TANC2: variants seen among roughly 807,000 people sequenced by gnomAD.
TANC2 encodes protein TANC2.
In TANC2, 26 loss-of-function variants were observed where a neutral mutation model predicts 210.5. That is an observed-to-expected ratio of 0.12 (90% CI 0.09 to 0.17). The LOEUF is 0.17. Ranked by LOEUF, TANC2 falls within the 10% of genes least tolerant of loss-of-function variation. The pLI is 1.00. For missense variants in TANC2, 2,129 were observed against 2,608.9 expected (o/e 0.82, Z 4.01); for synonymous variants, 931 against 967.1 (o/e 0.96, Z 0.69).
intron 11 of TANC2, among the ~76,000 whole-genome samples, chr17:63,333,069 A>G (rs1295618668): frequency 6.6e-6 from 1 of 152,248 alleles, no homozygotes; most frequent in Non-Finnish European, 1.5e-5. Context: ...TATTGTTGTC[A>G]TGTCTGCTAA....
chr17:63,265,806 G>T (rs201875443), intron 8 of TANC2, among the ~76,000 whole-genome samples: 35 of 108,374 alleles, frequency 3.2e-4, no homozygotes, highest in South Asian at 7.5e-4. Flanking sequence ...TACACTTTCT[G>T]TTTTTTTTTT....
At chr17:63,149,774 T>A (rs1257248661) in intron 4 of TANC2, 1 of 152,136 alleles carries the variant, frequency 6.6e-6, no homozygotes, top group Non-Finnish European at 1.5e-5. Flanking sequence ...GTAATAATGA[T>A]TTTTAAAAAC....
chr17:63,321,955 T>C (rs1457297516), intron 11 of TANC2, among the ~76,000 whole-genome samples: 2 of 152,184 alleles, frequency 1.3e-5, no homozygotes, highest in Non-Finnish European at 2.9e-5. Context: ...TTCTAATTCC[T>C]ATGCTTTGTG....
intron 5 of TANC2, among the ~76,000 whole-genome samples, chr17:63,157,420 A>C (rs1444737216): frequency 6.6e-6 from 1 of 152,226 alleles, no homozygotes; most frequent in African/African-American, 2.4e-5. Flanking sequence ...ATTTAGTTAG[A>C]TATCCAAAGG....
At chr17:63,076,624 G>A (rs80315581) in intron 3 of TANC2, among the ~76,000 whole-genome samples, 4,490 of 152,078 alleles carry the variant, frequency 0.03, 83 homozygotes, top group South Asian at 0.037. Context: ...AAAGATAGAA[G>A]TTAAATGGAA....
At chr17:63,109,674 A>G (rs1458670489) in intron 4 of TANC2, among the ~76,000 whole-genome samples, 2 of 151,766 alleles carry the variant, frequency 1.3e-5, no homozygotes, top group African/African-American at 2.4e-5. Context: ...TAATTTACCT[A>G]TATGAGCAAA....
At chr17:63,317,933 AATGCAGAAATAATAC>A (rs921955886) in intron 10 of TANC2, among the ~76,000 whole-genome samples, 120 of 152,344 alleles carry the variant, frequency 7.9e-4, no homozygotes, top group Non-Finnish European at 2.5e-4. Flanking sequence ...CAGCAGAAAT[AATGCAGAAATAATAC>A]AGTAACATAC....
At chr17:63,108,271 A>G (rs979648861) in intron 4 of TANC2, among the ~76,000 whole-genome samples, 31 of 151,934 alleles carry the variant, frequency 2.0e-4, no homozygotes, top group African/African-American at 5.8e-4. Context: ...CAGAATTGCT[A>G]AAATACTTGG....
At chr17:63,296,242 C>T (rs2044532325) in intron 9 of TANC2, among the ~76,000 whole-genome samples, 2 of 151,896 alleles carry the variant, frequency 1.3e-5, no homozygotes, top group South Asian at 4.2e-4. Flanking sequence ...AGAGGAGTGC[C>T]TAATGAAGAA....
At chr17:63,081,936 C>G (rs565652362) in intron 3 of TANC2, among the ~76,000 whole-genome samples, 1 of 151,780 alleles carries the variant, frequency 6.6e-6, no homozygotes, top group Non-Finnish European at 1.5e-5. Context: ...AGGCCCAAGG[C>G]GGGTGGATCA....
intron 5 of TANC2, among the ~76,000 whole-genome samples, chr17:63,169,627 A>C (rs2040331309): frequency 6.6e-6 from 1 of 152,054 alleles, no homozygotes; most frequent in African/African-American, 2.4e-5. Context: ...CGTCCTGGCC[A>C]ACATGGTGAA....
intron 3 of TANC2, among the ~76,000 whole-genome samples, chr17:63,095,478 G>A (rs146404655): frequency 1.3e-5 from 2 of 152,218 alleles, no homozygotes; most frequent in Non-Finnish European, 2.9e-5. Flanking sequence ...GCCTTGAGCA[G>A]AAGTCTTAAG....
chr17:63,220,270 G>C (rs2042134403), intron 7 of TANC2, among the ~76,000 whole-genome samples: 1 of 151,700 alleles, frequency 6.6e-6, no homozygotes, highest in Admixed American at 6.6e-5. Flanking sequence ...ACTCCAACCT[G>C]GGTGACAGAG....
At chr17:63,197,104 C>G (rs1468586885) in intron 6 of TANC2, among the ~76,000 whole-genome samples, 1 of 151,904 alleles carries the variant, frequency 6.6e-6, no homozygotes, top group Non-Finnish European at 1.5e-5. Context: ...AAATAATATG[C>G]AGTATAGTTA....
chr17:63,101,393 T>C (rs914084820), intron 4 of TANC2, among the ~76,000 whole-genome samples: 2 of 152,228 alleles, frequency 1.3e-5, no homozygotes, highest in Non-Finnish European at 2.9e-5. Flanking sequence ...ATTCAAACTT[T>C]CAAGTGCCTT....
At chr17:63,319,983 G>T (rs892040404) in intron 11 of TANC2, among the ~76,000 whole-genome samples, 1 of 151,954 alleles carries the variant, frequency 6.6e-6, no homozygotes, top group African/African-American at 2.4e-5. Context: ...ATTATCTATT[G>T]CTTCTTATTA....
At chr17:63,094,691 C>T (rs1025856938) in intron 3 of TANC2, among the ~76,000 whole-genome samples, 10 of 152,120 alleles carry the variant, frequency 6.6e-5, no homozygotes, top group African/African-American at 9.7e-5. Context: ...TATAATACCT[C>T]GTGATAACTG....
intron 11 of TANC2, among the ~76,000 whole-genome samples, chr17:63,324,890 C>T (rs1461458986): frequency 6.6e-6 from 1 of 151,948 alleles, no homozygotes; most frequent in African/African-American, 2.4e-5. Flanking sequence ...ATTCTCTGTA[C>T]TGAGTAATCT....
intron 5 of TANC2, among the ~76,000 whole-genome samples, chr17:63,184,656 T>C (rs1322787808): frequency 9.9e-6 from 1 of 100,846 alleles, no homozygotes; most frequent in Non-Finnish European, 2.5e-5. Flanking sequence ...GTATGTATTC[T>C]TTTTTTTTTT....
Sources: allele counts gnomAD v4.1 joint callset (sites outside exome capture counted in the v4.1 genomes callset), GRCh38; gene constraint gnomAD v4.1.1; transcripts MANE v1.5; gene names NCBI Gene and HGNC (gene_info 2026-07-23, HGNC 2026-07-21).